PLXNA4: variants seen among roughly 807,000 people sequenced by gnomAD.
PLXNA4 encodes plexin A4, also known as plexin-A4.
PLXNA4 carries 44 observed loss-of-function variants against 191.8 expected under a neutral mutation model. That is an observed-to-expected ratio of 0.23 (90% CI 0.18 to 0.29). The LOEUF is 0.29. Ranked by LOEUF, PLXNA4 falls within the 10% of genes least tolerant of loss-of-function variation. The pLI, the probability that PLXNA4 is intolerant of heterozygous loss-of-function variation, is 1.00. For synonymous variants in PLXNA4, 1,082 were observed against 1,009.5 expected (o/e 1.07, Z -1.36); for missense variants, 1,800 against 2,488.8 (o/e 0.72, Z 5.89).
At chr7:132,376,728 C>G (rs1226557685) in intron 3 of PLXNA4, among the ~76,000 whole-genome samples, 2 of 152,190 alleles carry the variant, frequency 1.3e-5, no homozygotes, top group Admixed American at 6.5e-5. Context: ...CCAGCAGGCC[C>G]TGATGGTGGC....
chr7:132,583,083 G>A (rs763789788), intron 2 of PLXNA4, among the ~76,000 whole-genome samples: 2 of 152,184 alleles, frequency 1.3e-5, no homozygotes, highest in African/African-American at 4.8e-5. Flanking sequence ...ATGGGCCATC[G>A]TCAGTTCAGT....
chr7:132,617,897 G>C (rs892784307), intron 2 of PLXNA4, among the ~76,000 whole-genome samples: 3 of 152,210 alleles, frequency 2.0e-5, no homozygotes, highest in Non-Finnish European at 4.4e-5. Context: ...CTGCTGAACA[G>C]TATTGTTTCT....
At position 132,508,025 on chromosome 7, in the gene PLXNA4, C is replaced by T. The variant is rs769610557; in HGVS notation, c.669G>A (p.Val223=). 2.5e-6 allele frequency: 4 copies of T among 1,614,192 alleles called. No homozygotes were observed. Among genetic ancestry groups the T allele is most frequent in the Non-Finnish European group, 3.4e-6 (4 of 1,180,040 alleles). The stretch of plus-strand genomic sequence containing the variant: ...CCGAAGGGATCTTAATCATCGAGGC[C>T]ACGAACTCATCATGGAAGACGTACG... The part of the protein sequence containing the change: ...MFAYVFHDEF[V]ASMIKIPSDT... The change falls in exon 2 of 32, where the codon GTG becomes GTA. Residue 223 remains valine (V), a synonymous_variant. Transcript: ENST00000321063. This position sits in a 1 kb window ranked among gnomAD's most constrained non-coding sequence, Gnocchi z 4.4.
At chr7:132,408,863 G>GC (rs1350244146) in intron 3 of PLXNA4, among the ~76,000 whole-genome samples, 1 of 95,644 alleles carries the variant, frequency 1.0e-5, no homozygotes, top group African/African-American at 4.4e-5. Context: ...CCTCCCTCCC[G>GC]CCCCCCACCC....
intron 31 of PLXNA4, among the ~76,000 whole-genome samples, chr7:132,131,637 A>G (rs1357954414): frequency 6.6e-6 from 1 of 152,258 alleles, no homozygotes; most frequent in African/African-American, 2.4e-5. Flanking sequence ...TGTACGCGCC[A>G]TCATTTCATA....
chr7:132,498,620 GA>G (rs950568146), intron 2 of PLXNA4, among the ~76,000 whole-genome samples: 1 of 152,050 alleles, frequency 6.6e-6, no homozygotes, highest in South Asian at 2.1e-4. Context: ...GTATGCATGG[GA>G]AAAAACACGG....
intron 3 of PLXNA4, among the ~76,000 whole-genome samples, chr7:132,329,082 G>C (rs1563038653): frequency 6.6e-6 from 1 of 152,222 alleles, no homozygotes; most frequent in Non-Finnish European, 1.5e-5. Flanking sequence ...TCTAAGGGTG[G>C]AGCTCAACCG....
rs1311278299 is a variant in PLXNA4 at position 132,168,327 on chromosome 7, G to A, written c.4263C>T (p.Asn1421=). ...ACCTCCTGAGCAGCAGCTTAGGGTG[G>A]TTCTTGCTCTCCAGGTTCTTGTCAA... ...DLIDKNLESK[N]HPKLLLRRTE... Residue 1421 remains asparagine, a synonymous_variant, in exon 22 of 32, where the codon AAC becomes AAT. Transcript: ENST00000321063. 6.3e-7 allele frequency: 1 copy of A among 1,583,554 alleles called. No individual in the cohort carries two copies. The highest frequency in any genetic ancestry group is 8.6e-7 in the Non-Finnish European group (1 of 1,162,264).
intron 3 of PLXNA4, among the ~76,000 whole-genome samples, chr7:132,398,569 T>C (rs75976068): frequency 6.6e-6 from 1 of 152,218 alleles, no homozygotes; most frequent in Non-Finnish European, 1.5e-5. Flanking sequence ...CCTCCTGGGC[T>C]GGCCCAGTTT....
chr7:132,422,546 C>G (rs770293859), intron 3 of PLXNA4, among the ~76,000 whole-genome samples: 3 of 152,202 alleles, frequency 2.0e-5, no homozygotes, highest in Non-Finnish European at 4.4e-5. Flanking sequence ...TCGTAATTGT[C>G]CAGCAGTAAT....
intron 2 of PLXNA4, among the ~76,000 whole-genome samples, chr7:132,602,840 TCTC>T (rs1802845997): frequency 6.6e-6 from 1 of 152,140 alleles, no homozygotes; most frequent in African/African-American, 2.4e-5. Context: ...AATGGATTCT[TCTC>T]TACCCGTGGA....
At chr7:132,463,840 G>T (rs886275120) in intron 3 of PLXNA4, among the ~76,000 whole-genome samples, 1 of 152,166 alleles carries the variant, frequency 6.6e-6, no homozygotes, top group African/African-American at 2.4e-5. Flanking sequence ...AGCATCAGTG[G>T]ATAAAACAGA....
intron 3 of PLXNA4, among the ~76,000 whole-genome samples, chr7:132,446,589 C>A (rs1269461662): frequency 6.6e-6 from 1 of 152,174 alleles, no homozygotes; most frequent in African/African-American, 2.4e-5. Context: ...AGAAGTGAAA[C>A]TTAACTTTAT....
intron 4 of PLXNA4, among the ~76,000 whole-genome samples, chr7:132,263,940 G>T (rs1054397289): frequency 2.2e-4 from 34 of 152,284 alleles, no homozygotes; most frequent in African/African-American, 7.9e-4. Context: ...GAGTTCGCCT[G>T]TATCAAGCTT....
chr7:132,490,777 C>A (rs1413918531), intron 2 of PLXNA4, among the ~76,000 whole-genome samples: 3 of 152,180 alleles, frequency 2.0e-5, no homozygotes, highest in Non-Finnish European at 2.9e-5. Flanking sequence ...AGAGAATATT[C>A]TCCAGATATC....
intron 2 of PLXNA4, among the ~76,000 whole-genome samples, chr7:132,614,945 C>T (rs1233891027): frequency 1.3e-5 from 2 of 152,200 alleles, no homozygotes; most frequent in African/African-American, 4.8e-5. Context: ...TCCGGAGCCT[C>T]TTCTGAAATC....
At chr7:132,636,908 T>C (rs551499127) in intron 2 of PLXNA4, among the ~76,000 whole-genome samples, 6 of 152,166 alleles carry the variant, frequency 3.9e-5, no homozygotes, top group African/African-American at 1.4e-4. Flanking sequence ...ATGCAAAGGA[T>C]GCAGGAGGTG....
At chr7:132,627,777 C>T (rs1393537086) in intron 2 of PLXNA4, among the ~76,000 whole-genome samples, 4 of 152,182 alleles carry the variant, frequency 2.6e-5, no homozygotes, top group African/African-American at 9.7e-5. Flanking sequence ...GAACAGCCAT[C>T]ATCAAACAAT....
At chr7:132,282,070 T>C (rs568972331) in intron 4 of PLXNA4, among the ~76,000 whole-genome samples, 1 of 152,308 alleles carries the variant, frequency 6.6e-6, no homozygotes, top group African/African-American at 2.4e-5. Flanking sequence ...GAATGACTGA[T>C]GCATAGACCA....
Sources: allele counts gnomAD v4.1 joint callset (sites outside exome capture counted in the v4.1 genomes callset), GRCh38; gene constraint gnomAD v4.1.1; non-coding constraint Gnocchi (gnomAD v3.1); transcripts MANE v1.5; gene names NCBI Gene and HGNC (gene_info 2026-07-23, HGNC 2026-07-21).